The following TMEM132B variants were observed in gnomAD, a reference collection of about 807,000 sequenced individuals.
TMEM132B encodes transmembrane protein 132B.
TMEM132B carries 18 observed loss-of-function variants against 90.8 expected under a neutral mutation model. That is an observed-to-expected ratio of 0.20 (90% CI 0.14 to 0.29). The LOEUF is 0.29. Ranked by LOEUF, TMEM132B falls within the 10% of genes least tolerant of loss-of-function variation. TMEM132B has a pLI of 1.00. For synonymous variants in TMEM132B, 504 were observed against 523.3 expected (o/e 0.96, Z 0.50); for missense variants, 1,096 against 1,326.8 (o/e 0.83, Z 2.70).
chr12:125,326,629 T>TG (rs769204547), intron 1 of TMEM132B: 54 of 1,607,196 alleles, frequency 3.4e-5, no homozygotes, highest in Middle Eastern at 1.6e-4. Flanking sequence ...GGGAAATGTT[T>TG]GGTGCAGCAT....
chr12:125,629,715 C>T (rs544655306), intron 5 of TMEM132B, among the ~76,000 whole-genome samples: 1 of 152,194 alleles, frequency 6.6e-6, no homozygotes, highest in South Asian at 2.1e-4. Context: ...CTGTCATGTT[C>T]CACATCTCAG....
chr12:125,484,354 G>T (rs1882145240), intron 3 of TMEM132B, among the ~76,000 whole-genome samples: 1 of 152,122 alleles, frequency 6.6e-6, no homozygotes, highest in Non-Finnish European at 1.5e-5. Context: ...GTGGCTCCTT[G>T]ATTTCCTTCT....
At chr12:125,526,465 G>C (rs1883465990) in intron 4 of TMEM132B, among the ~76,000 whole-genome samples, 1 of 152,212 alleles carries the variant, frequency 6.6e-6, no homozygotes, top group South Asian at 2.1e-4. Context: ...GGGAATGAGG[G>C]TCTGGCCTTG....
intron 2 of TMEM132B, among the ~76,000 whole-genome samples, chr12:125,372,575 G>A (rs1566016299): frequency 1.3e-5 from 2 of 152,176 alleles, no homozygotes; most frequent in East Asian, 1.9e-4. Flanking sequence ...GTGGAAAGAG[G>A]TAGAAATAAG....
At chr12:125,237,145 AG>A (rs1217132673) in intron 1 of TMEM132B, among the ~76,000 whole-genome samples, 1 of 152,216 alleles carries the variant, frequency 6.6e-6, no homozygotes, top group African/African-American at 2.4e-5. Flanking sequence ...CAGCAGGCTT[AG>A]AATGCTAATA....
intron 5 of TMEM132B, among the ~76,000 whole-genome samples, chr12:125,590,531 C>G (rs188679274): frequency 1.3e-5 from 2 of 152,246 alleles, no homozygotes; most frequent in East Asian, 3.9e-4. Flanking sequence ...TCCCTGTAGT[C>G]AAAGGGATTT....
chr12:125,551,671 C>A (rs1478228925), intron 4 of TMEM132B, among the ~76,000 whole-genome samples: 4 of 149,740 alleles, frequency 2.7e-5, no homozygotes, highest in Non-Finnish European at 4.4e-5. Context: ...TATTGGTTTG[C>A]TACTTTTGTA....
At position 125,262,961 on chromosome 12, in the gene TMEM132B, C is replaced by A. The variant is rs377376265; in HGVS notation, c.67+76095C>A. On this transcript the variant is annotated intron_variant, in intron 1 of 8. Transcript: ENST00000682704. ...CCCCCAGATGCAATAAACCAGCCTC[C>A]CAGGCCCCTTGAGCATGGAGTGGAT... 1.4e-4 allele frequency among the ~76,000 whole-genome samples: 21 copies of A among 152,304 alleles called. No homozygotes were observed. The East Asian group carries it at 2.7e-3, about 20-fold the overall frequency.
chr12:125,512,665 T>G (rs1883011343), intron 3 of TMEM132B, among the ~76,000 whole-genome samples: 2 of 152,166 alleles, frequency 1.3e-5, no homozygotes, highest in Non-Finnish European at 1.5e-5. Context: ...CCTTAAGTAT[T>G]TGTAGCCTGT....
intron 1 of TMEM132B, among the ~76,000 whole-genome samples, chr12:125,323,158 G>T (rs1876474344): frequency 6.6e-6 from 1 of 152,148 alleles, no homozygotes; most frequent in South Asian, 2.1e-4. Context: ...TGACTGGCCA[G>T]TGTGCACTGC....
rs1199060429 is a variant in TMEM132B at position 125,657,032 on chromosome 12, TA to T, written c.*2327del. On this transcript the variant is annotated 3_prime_UTR_variant, in exon 9 of 9. Transcript: ENST00000682704. ...CCATGGGGAGTGTTATTCAGGAACA[TA>T]AAAATTAGAGCATTCCCTCTGATGG... 9.9e-5 allele frequency: 15 copies of T among 152,210 alleles called. No homozygotes were observed. Among genetic ancestry groups the T allele is most frequent in the Non-Finnish European group, 1.9e-4 (13 of 68,016 alleles). 9.4% of individuals were successfully genotyped at this position (152,210 alleles called of 1,614,324 possible).
chr12:125,634,482 T>G (rs1215671625), intron 5 of TMEM132B, among the ~76,000 whole-genome samples: 1 of 152,228 alleles, frequency 6.6e-6, no homozygotes, highest in Non-Finnish European at 1.5e-5. Context: ...TCTGCTTTTC[T>G]TAAGCAGGAA....
rs1887218682 is a variant in TMEM132B at position 125,662,135 on chromosome 12, T to C, written c.*7425T>C. On this transcript the variant is annotated 3_prime_UTR_variant, in exon 9 of 9. Coordinates refer to ENST00000682704, the MANE Select transcript of TMEM132B (RefSeq NM_001366854.1). ...TGGCATTTGAAAAGGTGTTATCCCT[T>C]ACTTTCCACATTTCTGAATTGGATT... is the stretch of plus-strand genomic sequence containing the variant. The C allele has an allele frequency of 6.6e-6, 1 of 152,202 alleles. No individual in the cohort carries two copies. Among genetic ancestry groups the C allele is most frequent in the Admixed American group, 6.5e-5 (1 of 15,278 alleles). The allele number at this position is 152,202 out of a possible 1,614,324, so 9.4% of individuals were successfully genotyped here. A position where few individuals can be genotyped will look rare whatever the true frequency, so the allele number is the denominator to read the frequency against.
intron 2 of TMEM132B, among the ~76,000 whole-genome samples, chr12:125,362,756 T>A (rs1210489762): frequency 1.3e-5 from 2 of 152,228 alleles, no homozygotes; most frequent in African/African-American, 4.8e-5. Flanking sequence ...CTATGACTTT[T>A]TAAAACTTAA....
At chr12:125,542,025 CAAAAAAAA>C (rs71306285) in intron 4 of TMEM132B, among the ~76,000 whole-genome samples, 3 of 23,302 alleles carry the variant, frequency 1.3e-4, no homozygotes, top group South Asian at 2.2e-3. Context: ...ACCCCCGTCT[CAAAAAAAA>C]AAAAAAAAAA....
intron 1 of TMEM132B, among the ~76,000 whole-genome samples, chr12:125,338,035 A>G (rs530592231): frequency 2.6e-5 from 4 of 152,320 alleles, no homozygotes; most frequent in Admixed American, 6.5e-5. Flanking sequence ...TAATGTACAC[A>G]CCTTCTTCCC....
At chr12:125,441,734 G>A (rs929237921) in intron 3 of TMEM132B, among the ~76,000 whole-genome samples, 1 of 152,176 alleles carries the variant, frequency 6.6e-6, no homozygotes, top group Non-Finnish European at 1.5e-5. Context: ...TGGAATCAGT[G>A]GTGGCTCTTC....
At chr12:125,464,635 G>A (rs749183405) in intron 3 of TMEM132B, among the ~76,000 whole-genome samples, 1 of 152,132 alleles carries the variant, frequency 6.6e-6, no homozygotes, top group Non-Finnish European at 1.5e-5. Flanking sequence ...TCTTGTCTTC[G>A]TGATTAAAGT....
intron 4 of TMEM132B, 149 bp downstream of exon 4, chr12:125,519,774 A>C (rs1883260582): frequency 1.3e-6 from 1 of 790,030 alleles, no homozygotes; most frequent in Non-Finnish European, 2.0e-6. Context: ...CCTGCTTTTC[A>C]TAATGGCTCC....
Sources: gnomAD v4.1 joint callset for allele counts (sites outside exome capture counted in the v4.1 genomes callset) on GRCh38, gnomAD v4.1.1 for gene constraint, MANE v1.5 for transcripts, NCBI Gene and HGNC (gene_info 2026-07-23, HGNC 2026-07-21) for gene names.